The following AHRR variants were observed in gnomAD, a reference collection of about 807,000 sequenced individuals.
AHRR encodes ahR repressor.
A neutral mutation model predicts 44.0 loss-of-function variants in AHRR; 28 were observed. The observed-to-expected ratio is 0.64, with a 90% CI of 0.47 to 0.87. The LOEUF is 0.87. Among genes scored for constraint, AHRR ranks in the 40% least tolerant of loss-of-function variants. The pLI is 0.00. For synonymous variants in AHRR, 434 were observed against 407.0 expected (o/e 1.07, Z -0.80); for missense variants, 990 against 953.9 (o/e 1.04, Z -0.50).
In AHRR at chr5:411,737, G is replaced by A. The variant is rs1160452443; in HGVS notation, c.352-1607G>A. Among the ~76,000 whole-genome samples the A allele has an allele frequency of 6.6e-6, 1 of 152,146 alleles. No homozygotes were observed. The highest frequency in any genetic ancestry group is 1.5e-5 in the Non-Finnish European group (1 of 68,028). On this transcript the variant is annotated intron_variant, in intron 4 of 10. Transcript: ENST00000684583. This position sits in a 1 kb window ranked among gnomAD's most constrained non-coding sequence, Gnocchi z 4.2. Reference sequence around the variant, plus strand: ...GTACCCAGCATGGTCCAGATTTAAGGGAAATTAGTATATAGTATACTGCTG... The same window carrying A: ...GTACCCAGCATGGTCCAGATTTAAGAGAAATTAGTATATAGTATACTGCTG...
Position 422,499 on chromosome 5 carries a change from G to T in AHRR, c.442-230G>T, listed in dbSNP as rs201734775. ...GCTTGCCCCGAAAGGCTGGATGTGG[G>T]CACCACTTGGCGGGCAGACGGGTGG... On this transcript the variant is annotated intron_variant, in intron 5 of 10. Transcript: ENST00000684583. The T allele has an allele frequency of 1.7e-4, 95 of 560,232 alleles. No homozygotes were observed. In the East Asian group the frequency reaches 3.1e-3, roughly 18 times the overall value. The allele number at this position is 560,232 out of a possible 1,614,324, so 34.7% of individuals were successfully genotyped here. A position where few individuals can be genotyped will look rare whatever the true frequency, so the allele number is the denominator to read the frequency against.
chr5:376,548 A>AAGAATGAGAACCGTGAGG (rs1733682431), intron 3 of AHRR, 62 bp from the exon 4 acceptor site: 1 of 1,416,158 alleles, frequency 7.1e-7, no homozygotes, highest in Non-Finnish European at 9.5e-7. Flanking sequence ...AAAGATGTGA[A>AAGAATGAGAACCGTGAGG]TGAAGAAGAG....
intron 2 of AHRR, among the ~76,000 whole-genome samples, chr5:345,372 G>T (rs1453294351): frequency 4.9e-5 from 6 of 123,472 alleles, no homozygotes. Flanking sequence ...GTCCCTGGCT[G>T]TGTGTGGGGA....
chr5:339,726 T>C (rs1468239154), intron 1 of AHRR, among the ~76,000 whole-genome samples: 4 of 152,210 alleles, frequency 2.6e-5, no homozygotes, highest in Non-Finnish European at 5.9e-5. Flanking sequence ...CCTAGTTTGA[T>C]GAGAGGTTTT....
At chr5:379,837 TTTGA>T (rs1440833999) in intron 4 of AHRR, among the ~76,000 whole-genome samples, 18 of 152,236 alleles carry the variant, frequency 1.2e-4, no homozygotes, top group African/African-American at 4.3e-4. Context: ...AGTATTCCAT[TTTGA>T]TTAAGTTTAA....
intron 10 of AHRR, 88 bp downstream of exon 10, chr5:433,035 AG>A: frequency 4.2e-6 from 6 of 1,421,960 alleles, no homozygotes; most frequent in Non-Finnish European, 5.6e-6. Flanking sequence ...GTGATTAAGA[AG>A]AAAAATAAAA....
At position 404,380 on chromosome 5, in the gene AHRR, TC is replaced by T. The variant is rs1482460742; in HGVS notation, c.352-8962del. The stretch of plus-strand genomic sequence containing the variant: ...CCTTCATTCTGGGTGTCTTCAGTGG[TC>T]CTAAAGCCTTTTGCATGATTTAGGA... On this transcript the variant is annotated intron_variant, in intron 4 of 10. Coordinates refer to ENST00000684583, the MANE Select transcript of AHRR (RefSeq NM_001377236.1). This position sits in a 1 kb window ranked among gnomAD's most constrained non-coding sequence, Gnocchi z 4.1. The T allele has an allele frequency of 1.9e-6, 1 of 526,478 alleles. No homozygotes were observed. Among genetic ancestry groups the T allele is most frequent in the African/African-American group, 2.0e-5 (1 of 50,770 alleles). The allele number at this position is 526,478 out of a possible 1,614,324, so 32.6% of individuals were successfully genotyped here.
At chr5:407,607 T>C (rs190140917) in intron 4 of AHRR, among the ~76,000 whole-genome samples, 12 of 152,322 alleles carry the variant, frequency 7.9e-5, no homozygotes, top group African/African-American at 2.6e-4. Flanking sequence ...TGTCACGATC[T>C]CAGCTCACTG....
chr5:347,897 A>T (rs6555193), intron 2 of AHRR, among the ~76,000 whole-genome samples: 77,443 of 152,084 alleles, frequency 0.51, 20,011 homozygotes, highest in Non-Finnish European at 0.54. Flanking sequence ...GATGCACCTG[A>T]GGGCCGTGTC....
chr5:352,285 G>A (rs557798313), intron 2 of AHRR, among the ~76,000 whole-genome samples: 6 of 150,068 alleles, frequency 4.0e-5, no homozygotes, highest in Non-Finnish European at 7.4e-5. Flanking sequence ...TGTAGGGGAC[G>A]GTCACTGTGA....
Position 353,779 on chromosome 5 carries a change from G to T in AHRR, c.112G>T (p.Asp38Tyr). The T allele has an allele frequency of 6.2e-7, 1 of 1,613,556 alleles. No homozygotes were observed. Among genetic ancestry groups the T allele is most frequent in the Non-Finnish European group, 8.5e-7 (1 of 1,179,958 alleles). ...GTCCAACCCCTCCAAGCGACACCGG[G>T]ACCGCCTCAACGCCGAGTTGGACCA... ...EKSNPSKRHRDRLNAELDHLA... is the reference protein window; with the variant it reads ...EKSNPSKRHRYRLNAELDHLA... The change falls in exon 3 of 11, where the codon GAC (aspartate) becomes TAC (tyrosine). Residue 38 changes from aspartate to tyrosine, a missense_variant. Physicochemically the swap from Asp to Tyr is radical, Grantham distance 160. Transcript: ENST00000684583.
At chr5:424,092 TG>T in intron 7 of AHRR, 115 bp downstream of exon 7, 4 of 1,365,128 alleles carry the variant, frequency 2.9e-6, no homozygotes, top group Non-Finnish European at 3.9e-6. Flanking sequence ...ATGTCCCTGG[TG>T]GAGGGACGGG....
intron 4 of AHRR, among the ~76,000 whole-genome samples, chr5:391,498 TGAG>T (rs1734452037): frequency 2.2e-5 from 1 of 46,196 alleles, no homozygotes; most frequent in African/African-American, 3.1e-4. Context: ...GGGCGCAGGG[TGAG>T]GCAGGGCCAG....
rs1391588570 is a variant in AHRR at position 326,237 on chromosome 5, C to G, written c.-11+4418C>G. The stretch of plus-strand genomic sequence containing the variant: ...CTTCATCGCCTCCGGCAGTGCTCAC[C>G]CACCAGGCAGTCACTCCCCAGTCCC... On this transcript the variant is annotated intron_variant, in intron 1 of 10. Transcript: ENST00000684583. The surrounding 1 kb of genome is among the most constrained non-coding windows in gnomAD (Gnocchi z 4.1). Among the ~76,000 whole-genome samples the G allele has an allele frequency of 6.6e-6, 1 of 152,206 alleles. No homozygotes were observed. Among genetic ancestry groups the G allele is most frequent in the Non-Finnish European group, 1.5e-5 (1 of 68,036 alleles).
chr5:428,991 C>T (rs1337656139), intron 8 of AHRR, among the ~76,000 whole-genome samples: 1 of 152,238 alleles, frequency 6.6e-6, no homozygotes, highest in Non-Finnish European at 1.5e-5. Context: ...TGCGCAGGGC[C>T]CACCTCCTGC....
At chr5:322,307 G>GGCT (rs1741524246) in intron 1 of AHRR, among the ~76,000 whole-genome samples, 1 of 152,208 alleles carries the variant, frequency 6.6e-6, no homozygotes, top group African/African-American at 2.4e-5. Context: ...CTGAGAGAGC[G>GGCT]ATGTGGCGCC....
chr5:422,616 G>A, intron 5 of AHRR, 113 bp from the exon 6 acceptor site: 2 of 1,414,128 alleles, frequency 1.4e-6, no homozygotes, highest in Admixed American at 1.7e-5. Context: ...TCTCCCTGTG[G>A]CTGTGACTTG....
intron 3 of AHRR, among the ~76,000 whole-genome samples, chr5:368,911 C>T (rs1005614702): frequency 2.6e-5 from 4 of 152,208 alleles, no homozygotes; most frequent in Admixed American, 6.5e-5. Flanking sequence ...TTTGAAAAAT[C>T]GGGAAATTCT....
intron 1 of AHRR, among the ~76,000 whole-genome samples, chr5:340,664 TTATATATATATATA>T (rs201426173): frequency 7.5e-4 from 24 of 31,960 alleles, no homozygotes; most frequent in South Asian, 2.1e-3. Context: ...CACAGCAATA[TTATATATATATATA>T]TATATATATA....
Sources: allele counts gnomAD v4.1 joint callset (sites outside exome capture counted in the v4.1 genomes callset), GRCh38; gene constraint gnomAD v4.1.1; non-coding constraint Gnocchi (gnomAD v3.1); transcripts MANE v1.5; gene names NCBI Gene and HGNC (gene_info 2026-07-23, HGNC 2026-07-21).